Variants in EYS observed in about 807,000 individuals in gnomAD.
EYS encodes protein eyes shut homolog.
In EYS, 250 loss-of-function variants were observed where a neutral mutation model predicts 282.1. The ratio of observed to expected loss-of-function variants is 0.89; its 90% CI spans 0.80 to 0.98. The LOEUF is 0.98. Ranked by LOEUF, EYS falls within the 50% of genes least tolerant of loss-of-function variation. The pLI is 0.00. For synonymous variants in EYS, 1,355 were observed against 1,282.9 expected (o/e 1.06, Z -1.20); for missense variants, 4,016 against 3,709.0 (o/e 1.08, Z -2.15).
Position 63,799,005 on chromosome 6 carries a change from A to G in EYS, c.7411+7185T>C, listed in dbSNP as rs575971185. Among the ~76,000 whole-genome samples the G allele has an allele frequency of 3.8e-3, 513 of 133,458 alleles. 3 individuals are homozygous for G. The highest frequency in any genetic ancestry group is 6.3e-3 in the Admixed American group (85 of 13,484). The allele number at this position is 133,458 out of a possible 152,430, so 87.6% of individuals were successfully genotyped here. A position where few individuals can be genotyped will look rare whatever the true frequency, so the allele number is the denominator to read the frequency against. ...TATGTGTGTATATATATATATATAT[A>G]TATATATATATATATAATTTTTTTT... On this transcript the variant is annotated intron_variant, in intron 37 of 42. Coordinates refer to ENST00000503581, the MANE Select transcript of EYS (RefSeq NM_001142800.2).
At chr6:65,167,726 C>T (rs1357154380) in intron 12 of EYS, among the ~76,000 whole-genome samples, 1 of 151,270 alleles carries the variant, frequency 6.6e-6, no homozygotes, top group African/African-American at 2.4e-5. Flanking sequence ...GCTTCTGTGA[C>T]ATTCTTTATC....
At chr6:65,516,805 C>T (rs1036031963) in intron 2 of EYS, among the ~76,000 whole-genome samples, 1 of 151,932 alleles carries the variant, frequency 6.6e-6, no homozygotes, top group Non-Finnish European at 1.5e-5. Flanking sequence ...AAATTTTTCT[C>T]AAAGAGAATA....
intron 5 of EYS, among the ~76,000 whole-genome samples, chr6:65,434,466 G>A (rs921357904): frequency 2.6e-5 from 4 of 151,770 alleles, no homozygotes; most frequent in Admixed American, 6.6e-5. Flanking sequence ...GACTACAGGC[G>A]CCCGCCACCA....
At chr6:65,487,749 G>A (rs1330076671) in intron 5 of EYS, among the ~76,000 whole-genome samples, 1 of 152,110 alleles carries the variant, frequency 6.6e-6, no homozygotes. Context: ...AGAAGGAATG[G>A]TACCAGCTCA....
chr6:64,607,675 G>A (rs1766979666), intron 24 of EYS, among the ~76,000 whole-genome samples: 1 of 152,080 alleles, frequency 6.6e-6, no homozygotes, highest in South Asian at 2.1e-4. Context: ...TAACAGAATA[G>A]ATAAGCTAAT....
At chr6:64,841,085 G>T (rs1562220091) in intron 19 of EYS, among the ~76,000 whole-genome samples, 1 of 151,770 alleles carries the variant, frequency 6.6e-6, no homozygotes, top group Non-Finnish European at 1.5e-5. Context: ...AAATTTTACA[G>T]CCAAAGATAC....
chr6:65,089,440 C>T (rs1774487169), intron 12 of EYS, among the ~76,000 whole-genome samples: 1 of 152,084 alleles, frequency 6.6e-6, no homozygotes, highest in South Asian at 2.1e-4. Context: ...TAATGACTGC[C>T]CTATTAGATT....
chr6:65,311,378 C>T (rs937008347), intron 11 of EYS, among the ~76,000 whole-genome samples: 2 of 152,152 alleles, frequency 1.3e-5, no homozygotes, highest in African/African-American at 4.8e-5. Context: ...CAATTAGCTG[C>T]TTTATGCATA....
In EYS at chr6:63,721,579, T is replaced by G. The variant is rs1339447656; in HGVS notation, c.8452A>C (p.Asn2818His). Residue 2818 changes from asparagine to histidine, a missense_variant, in exon 43 of 43, where the codon AAT (asparagine) becomes CAT (histidine). Transcript: ENST00000503581. ...ASTKMSSLDT[N>H]TDFYIGGVSS... is the part of the protein sequence containing the mutation. ...ACTCCTCCAATATAGAAGTCTGTAT[T>G]TGTGTCCAGAGAACTCATTTTAGTG... The G allele has an allele frequency of 1.3e-6, 2 of 1,551,770 alleles. No homozygotes were observed. Among genetic ancestry groups the G allele is most frequent in the South Asian group, 2.4e-5 (2 of 84,058 alleles).
In EYS at chr6:64,864,389, T is replaced by C. The variant is rs1404320265; in HGVS notation, c.2992+22308A>G. Reference sequence around the variant, plus strand: ...AATACAGAGGTGCTATACCTTCTTTTTTTTTTTTTTTTTTTTTGACAGAAT... The same window carrying C: ...AATACAGAGGTGCTATACCTTCTTTCTTTTTTTTTTTTTTTTTGACAGAAT... On this transcript the variant is annotated intron_variant, in intron 19 of 42. Coordinates refer to ENST00000503581, the MANE Select transcript of EYS (RefSeq NM_001142800.2). Among the ~76,000 whole-genome samples, 97 of 119,468 alleles carry C rather than the reference T, an allele frequency of 8.1e-4. 1 individual carries two copies. The highest frequency in any genetic ancestry group is 1.8e-3 in the African/African-American group (59 of 33,154). The allele number at this position is 119,468 out of a possible 152,430, so 78.4% of individuals were successfully genotyped here. A position where few individuals can be genotyped will look rare whatever the true frequency, so the allele number is the denominator to read the frequency against.
intron 30 of EYS, among the ~76,000 whole-genome samples, chr6:64,302,520 TG>T (rs1203254063): frequency 6.6e-6 from 1 of 152,174 alleles, no homozygotes; most frequent in African/African-American, 2.4e-5. Context: ...TTTGCATTTA[TG>T]GGGCAGCCCA....
intron 1 of EYS, among the ~76,000 whole-genome samples, chr6:65,660,545 C>T (rs573586409): frequency 6.6e-6 from 1 of 151,682 alleles, no homozygotes; most frequent in South Asian, 2.1e-4. Flanking sequence ...AGACAGATAT[C>T]CATATGTACT....
At chr6:64,228,854 A>G (rs1766329981) in intron 31 of EYS, among the ~76,000 whole-genome samples, 2 of 152,188 alleles carry the variant, frequency 1.3e-5, no homozygotes, top group African/African-American at 4.8e-5. Context: ...TGAAGTGTTA[A>G]AGATACTAGG....
chr6:64,535,582 A>T (rs1764493818), intron 26 of EYS, among the ~76,000 whole-genome samples: 2 of 151,630 alleles, frequency 1.3e-5, no homozygotes, highest in African/African-American at 4.8e-5. Context: ...TACCAAAAAA[A>T]AAAAAAAAAT....
At chr6:65,674,597 TA>T (rs1394232119) in intron 1 of EYS, among the ~76,000 whole-genome samples, 1 of 149,336 alleles carries the variant, frequency 6.7e-6, no homozygotes, top group African/African-American at 2.5e-5. Flanking sequence ...AGTGCTGAAA[TA>T]AATAAAATTG....
At chr6:63,834,972 C>G (rs181066498) in intron 36 of EYS, among the ~76,000 whole-genome samples, 11 of 144,318 alleles carry the variant, frequency 7.6e-5, no homozygotes, top group African/African-American at 1.3e-4. Context: ...AAACACCACA[C>G]GTTCTCACTC....
chr6:64,570,278 A>G (rs1336719437), intron 26 of EYS, among the ~76,000 whole-genome samples: 2 of 152,218 alleles, frequency 1.3e-5, no homozygotes, highest in African/African-American at 4.8e-5. Flanking sequence ...GCCTTACCAG[A>G]GCTCCTGAAG....
chr6:65,057,993 T>C (rs2150157843), intron 12 of EYS, among the ~76,000 whole-genome samples: 1 of 152,234 alleles, frequency 6.6e-6, no homozygotes, highest in South Asian at 2.1e-4. Flanking sequence ...TGTGAACTAA[T>C]TTATCTTTTG....
chr6:64,974,981 T>C (rs1319180428), intron 14 of EYS, among the ~76,000 whole-genome samples: 1 of 151,854 alleles, frequency 6.6e-6, no homozygotes, highest in African/African-American at 2.4e-5. Flanking sequence ...AGCAGGCTCA[T>C]GGTTAAATTT....
Sources: allele counts gnomAD v4.1 joint callset (sites outside exome capture counted in the v4.1 genomes callset), GRCh38; gene constraint gnomAD v4.1.1; transcripts MANE v1.5; gene names NCBI Gene and HGNC (gene_info 2026-07-23, HGNC 2026-07-21).